Variants in FGD2 observed in about 807,000 individuals in gnomAD.
FGD2 encodes the protein FYVE, RhoGEF and PH domain containing 2, also known as FYVE, RhoGEF and PH domain-containing protein 2.
FGD2 carries 52 observed loss-of-function variants against 75.9 expected under a neutral mutation model. The observed-to-expected ratio is 0.69, with a 90% CI of 0.55 to 0.86. The LOEUF (loss-of-function observed/expected upper bound fraction) is 0.86. FGD2 is among the 40% of genes least tolerant of loss of function. The pLI is 0.00. For missense variants in FGD2, 790 were observed against 872.0 expected, an observed-to-expected ratio of 0.91 and a Z score of 1.18; for synonymous variants, 347 against 348.6, an observed-to-expected ratio of 1.00 and a Z score of 0.05.
chr6:37,022,852 G>A (rs938342729), intron 13 of FGD2: 1 of 159,300 alleles, frequency 6.3e-6, no homozygotes, highest in Non-Finnish European at 1.4e-5. Flanking sequence ...AGCCAGGTGT[G>A]TGTATTACTA....
rs749698364 is a variant in FGD2 at position 37,014,885 on chromosome 6, C to A, written c.883-7C>A. On this transcript the variant is annotated splice_polypyrimidine_tract_variant and splice_region_variant and intron_variant, in intron 7 of 15. Coordinates refer to ENST00000274963, the MANE Select transcript of FGD2 (RefSeq NM_173558.4). ...GACTTGGCTGAGGATGCACCCCAACCCCCTAGGAGCGGCTGCAGGACCTGT... is the reference window on the plus strand; with the variant it reads ...GACTTGGCTGAGGATGCACCCCAACACCCTAGGAGCGGCTGCAGGACCTGT... 2 of 1,612,844 alleles carry A rather than the reference C, an allele frequency of 1.2e-6. No individual in the cohort carries two copies. Among genetic ancestry groups the A allele is most frequent in the South Asian group, 1.1e-5 (1 of 90,970 alleles).
intron 14 of FGD2, 95 bp downstream of exon 14, chr6:37,026,033 A>T: frequency 6.6e-7 from 1 of 1,520,772 alleles, no homozygotes; most frequent in Non-Finnish European, 8.8e-7. Flanking sequence ...AGTGCTGAGG[A>T]ACAAGCCAGC....
intron 9 of FGD2, among the ~76,000 whole-genome samples, chr6:37,019,385 T>C (rs902598147): frequency 6.6e-6 from 1 of 151,844 alleles, no homozygotes; most frequent in South Asian, 2.1e-4. Context: ...GACTGGGGAG[T>C]GAGGCTGCAG....
intron 13 of FGD2, chr6:37,023,581 T>C (rs1252086112): frequency 6.6e-6 from 1 of 152,238 alleles, no homozygotes; most frequent in Non-Finnish European, 1.5e-5. Context: ...ACCTCAGTCT[T>C]TGATGACCTC....
rs1002864338 is a variant in FGD2 at position 37,027,872 on chromosome 6, T to C, written c.1753-76T>C. The C allele has an allele frequency of 5.9e-5, 89 of 1,508,354 alleles. No individual in the cohort carries two copies. The African/African-American group carries it at 1.0e-3, about 17-fold the overall frequency. 93.4% of individuals were successfully genotyped at this position (1,508,354 alleles called of 1,614,324 possible). ...AGGGTGTGAGCTGTGCGTGCGTGGC[T>C]GTTGCCTTCACGATGGCTATCTGGG... On this transcript the variant is annotated intron_variant, in intron 15 of 15. Coordinates refer to ENST00000274963, the MANE Select transcript of FGD2 (RefSeq NM_173558.4).
chr6:37,010,863 G>T, intron 2 of FGD2, 110 bp from the exon 3 acceptor site: 1 of 1,036,450 alleles, frequency 9.6e-7, no homozygotes, highest in Non-Finnish European at 1.5e-6. Flanking sequence ...TGAATCCCGG[G>T]AGGCATGCTT....
intron 1 of FGD2, among the ~76,000 whole-genome samples, chr6:37,006,783 C>CA (rs2150765434): frequency 1.3e-5 from 2 of 152,222 alleles, no homozygotes; most frequent in African/African-American, 4.8e-5. Flanking sequence ...CTTTTGGGAA[C>CA]AACAGCTGTG....
intron 9 of FGD2, among the ~76,000 whole-genome samples, chr6:37,019,444 G>A (rs957998874): frequency 6.6e-6 from 1 of 152,240 alleles, no homozygotes; most frequent in Admixed American, 6.5e-5. Context: ...TGCTGTCTGG[G>A]TTATGGTGAG....
In FGD2 at chr6:37,011,127, C is replaced by T. The variant is rs1239832216; in HGVS notation, c.378+77C>T. On this transcript the variant is annotated intron_variant, in intron 3 of 15. Transcript: ENST00000274963. The stretch of plus-strand genomic sequence containing the variant: ...CTCACCCCTTCTCAGCCTTCCCACC[C>T]TGCTCACCAGAGCTGAGTCAGGAGC... 9.9e-5 allele frequency: 138 copies of T among 1,400,424 alleles called. No homozygotes were observed. In the Admixed American group the frequency reaches 2.4e-3, roughly 25 times the overall value. The allele number at this position is 1,400,424 out of a possible 1,614,324, so 86.7% of individuals were successfully genotyped here.
chr6:37,021,927 G>A, intron 12 of FGD2: 1 of 489,582 alleles, frequency 2.0e-6, no homozygotes, highest in Non-Finnish European at 3.6e-6. Flanking sequence ...GATGGAAGGT[G>A]AGTGAGGTGG....
At chr6:37,017,040 A>G (rs1279539274) in intron 9 of FGD2, among the ~76,000 whole-genome samples, 1 of 151,756 alleles carries the variant, frequency 6.6e-6, no homozygotes, top group Non-Finnish European at 1.5e-5. Flanking sequence ...ATAACATATA[A>G]TAGGATTGTT....
Position 37,021,525 on chromosome 6 carries a change from C to A in FGD2, c.1247C>A (p.Ala416Asp), listed in dbSNP as rs748268501. Residue 416 changes from alanine to aspartate, a missense_variant, in exon 12 of 16, where the codon GCC (alanine) becomes GAC (aspartate). Transcript: ENST00000274963. ...CCTGCACCCCAGGCCTTCCAAGCAGCCATTGACCAAATCGAGAAGCGGAAT... is the reference window on the plus strand; with the variant it reads ...CCTGCACCCCAGGCCTTCCAAGCAGACATTGACCAAATCGAGAAGCGGAAT... ...MISWMQAFQA[A>D]IDQIEKRNET... The A allele has an allele frequency of 6.2e-7, 1 of 1,613,602 alleles. No homozygotes were observed. Among genetic ancestry groups the A allele is most frequent in the South Asian group, 1.1e-5 (1 of 90,932 alleles).
At position 37,014,661 on chromosome 6, in the gene FGD2, T is replaced by C; in HGVS notation, c.839T>C (p.Ile280Thr). The change falls in exon 7 of 16, where the codon ATC (isoleucine) becomes ACC (threonine). Residue 280 changes from isoleucine to threonine, a missense_variant. Transcript: ENST00000274963. ...QADAQKALDM[I>T]FSAAQHSNAA... Reference sequence around the variant, plus strand: ...CCCCTTTCAGAAGCCCTGGACATGATCTTCTCAGCTGCCCAGCACTCCAAT... The same window carrying C: ...CCCCTTTCAGAAGCCCTGGACATGACCTTCTCAGCTGCCCAGCACTCCAAT... The C allele has an allele frequency of 3.7e-6, 6 of 1,613,968 alleles. No homozygotes were observed. The highest frequency in any genetic ancestry group is 5.1e-6 in the Non-Finnish European group (6 of 1,179,976).
intron 13 of FGD2, chr6:37,025,565 AG>A: frequency 1.8e-6 from 1 of 565,664 alleles, no homozygotes; most frequent in South Asian, 2.2e-5. Context: ...TTGAACCCTC[AG>A]CCTAAGAGCC....
intron 13 of FGD2, 76 bp from the exon 14 acceptor site, chr6:37,025,716 A>G: frequency 1.3e-6 from 2 of 1,551,636 alleles, no homozygotes; most frequent in Non-Finnish European, 1.8e-6. Flanking sequence ...TCATGCCCCC[A>G]CCTGCCCACC....
intron 4 of FGD2, chr6:37,013,004 G>GTATATATACGTATATATATACATA (rs1765095642): frequency 1.0e-5 from 1 of 98,034 alleles, no homozygotes; most frequent in Admixed American, 1.1e-4. Context: ...ATATATACGT[G>GTATATATACGTATATATATACATA]TATATATATG....
rs747634602 is a variant in FGD2 at position 37,008,965 on chromosome 6, C to A, written c.200C>A (p.Thr67Lys). Residue 67 changes from threonine to lysine, a missense_variant, in exon 2 of 16, where the codon ACA (threonine) becomes AAA (lysine). Transcript: ENST00000274963. ...VGEAVGSEPR[T>K]VSRRYLNSLK... ...GAGGCCGTGGGGTCTGAGCCCAGGA[C>A]AGTCAGCAGGAGGTACCTGAACTCC... The A allele has an allele frequency of 4.3e-6, 7 of 1,614,262 alleles. No homozygotes were observed. In the South Asian group the frequency reaches 5.5e-5, roughly 13 times the overall value.
intron 2 of FGD2, 46 bp downstream of exon 2, chr6:37,009,111 C>T: frequency 6.4e-7 from 1 of 1,558,450 alleles, no homozygotes; most frequent in Non-Finnish European, 8.7e-7. Context: ...GGGTGGGGAG[C>T]TCTCCCTGAC....
At position 37,005,713 on chromosome 6, in the gene FGD2, G is replaced by A; in HGVS notation, c.-105G>A. On this transcript the variant is annotated 5_prime_UTR_variant, in exon 1 of 16. Coordinates refer to ENST00000274963, the MANE Select transcript of FGD2 (RefSeq NM_173558.4). ...CAAGAAAGATCAGAACAGATTCATGGGTGATTTAGCCTATCTGTCCCAGGC... is the reference window on the plus strand; with the variant it reads ...CAAGAAAGATCAGAACAGATTCATGAGTGATTTAGCCTATCTGTCCCAGGC... The A allele has an allele frequency of 8.4e-7, 1 of 1,193,928 alleles. No homozygotes were observed. Among genetic ancestry groups the A allele is most frequent in the Non-Finnish European group, 1.2e-6 (1 of 815,480 alleles). 74.0% of individuals were successfully genotyped at this position (1,193,928 alleles called of 1,614,324 possible).
Sources: gnomAD v4.1 joint callset for allele counts (sites outside exome capture counted in the v4.1 genomes callset) on GRCh38, gnomAD v4.1.1 for gene constraint, MANE v1.5 for transcripts, NCBI Gene and HGNC (gene_info 2026-07-23, HGNC 2026-07-21) for gene names.